The following ABLIM2 variants were observed in gnomAD, a reference collection of about 807,000 sequenced individuals.
ABLIM2 encodes the protein actin binding LIM protein family member 2.
ABLIM2 carries 53 observed loss-of-function variants against 97.7 expected under a neutral mutation model. The observed-to-expected ratio is 0.54, with a 90% CI of 0.44 to 0.68. The LOEUF is 0.68. ABLIM2 is among the 30% of genes least tolerant of loss of function. ABLIM2 has a pLI of 0.00. For synonymous variants in ABLIM2, 361 were observed against 345.8 expected (o/e 1.04, Z -0.49); for missense variants, 835 against 867.2 (o/e 0.96, Z 0.47).
intron 1 of ABLIM2, among the ~76,000 whole-genome samples, chr4:8,109,101 G>A (rs1839017632): frequency 6.6e-6 from 1 of 152,260 alleles, no homozygotes; most frequent in Non-Finnish European, 1.5e-5. Context: ...GGAGGCCGCG[G>A]CACTGGCCCC....
At chr4:7,969,086 C>G (rs928920764) in intron 20 of ABLIM2, among the ~76,000 whole-genome samples, 6 of 152,020 alleles carry the variant, frequency 3.9e-5, no homozygotes, top group Non-Finnish European at 2.9e-5. Flanking sequence ...GAGCTGAGAT[C>G]ACACCATTGC....
At chr4:8,038,918 G>C (rs1347692203) in intron 9 of ABLIM2, among the ~76,000 whole-genome samples, 1 of 152,118 alleles carries the variant, frequency 6.6e-6, no homozygotes, top group African/African-American at 2.4e-5. Context: ...CACAGCCTGG[G>C]GGCTTTGCAC....
chr4:8,002,804 G>A lies in ABLIM2; in HGVS notation c.1618+5255C>T, dbSNP rs145430343. Among the ~76,000 whole-genome samples the A allele has an allele frequency of 0.017, 2,550 of 152,218 alleles. 32 individuals carry two copies. The highest frequency in any genetic ancestry group is 0.026 in the Non-Finnish European group (1,777 of 68,008). On this transcript the variant is annotated intron_variant, in intron 16 of 20. Coordinates refer to ENST00000447017, the MANE Select transcript of ABLIM2 (RefSeq NM_001130083.2). The surrounding 1 kb of genome is among the most constrained non-coding windows in gnomAD (Gnocchi z 6.1). ...TCACTGTTCTTCCAACCCACGGCCC[G>A]GCCTCCGCCCTGGGTGATGCGGAAT...
intron 20 of ABLIM2, among the ~76,000 whole-genome samples, chr4:7,973,105 G>GTGTGTGTGTGTGTGTGTGTGTGTA (rs1560327054): frequency 6.6e-6 from 1 of 151,572 alleles, no homozygotes; most frequent in African/African-American, 2.4e-5. Flanking sequence ...GTGTGTGTGT[G>GTGTGTGTGTGTGTGTGTGTGTGTA]TGTGTGTAGG....
intron 8 of ABLIM2, among the ~76,000 whole-genome samples, chr4:8,050,392 T>TA (rs1378028027): frequency 1.3e-5 from 2 of 152,190 alleles, no homozygotes; most frequent in African/African-American, 4.8e-5. Flanking sequence ...CCCTCCTCCC[T>TA]ACTGCAACCT....
chr4:8,081,531 A>G (rs1819798469), intron 4 of ABLIM2, among the ~76,000 whole-genome samples: 1 of 152,168 alleles, frequency 6.6e-6, no homozygotes, highest in Non-Finnish European at 1.5e-5. Flanking sequence ...CCCCTGGCAG[A>G]GCGGGTGGAG....
chr4:8,066,430 GGA>G lies in ABLIM2; in HGVS notation c.676-5378_676-5377del, dbSNP rs1479073760. 112 of 147,166 alleles carry G rather than the reference GGA, an allele frequency of 7.6e-4. 2 individuals are homozygous for G. Among genetic ancestry groups the G allele is most frequent in the African/African-American group, 2.6e-3 (102 of 39,834 alleles). The allele number at this position is 147,166 out of a possible 1,614,324, so 9.1% of individuals were successfully genotyped here. ...GGAAGGAAGGAAGGAAGGAAGGAAGGGAGGGGTGGTTCCACATAAAAACCTGT... is the reference window on the plus strand; with the variant it reads ...GGAAGGAAGGAAGGAAGGAAGGAAGGGGGGTGGTTCCACATAAAAACCTGT... On this transcript the variant is annotated intron_variant, in intron 6 of 20. Coordinates refer to ENST00000447017, the MANE Select transcript of ABLIM2 (RefSeq NM_001130083.2).
rs182913577 is a variant in ABLIM2, at chr4:8,124,654, T to G, written c.11-18017A>C. On this transcript the variant is annotated intron_variant, in intron 1 of 20. Transcript: ENST00000447017. This position sits in a 1 kb window ranked among gnomAD's most constrained non-coding sequence, Gnocchi z 6.1. ...AGACCCTATTTGGCTCATCCATTAG[T>G]CAGTGGATGAACTTTGGGGCTGTGT... 2.0e-5 allele frequency among the ~76,000 whole-genome samples: 3 copies of G among 152,342 alleles called. No individual in the cohort carries two copies. The highest frequency in any genetic ancestry group is 7.2e-5 in the African/African-American group (3 of 41,570).
intron 14 of ABLIM2, among the ~76,000 whole-genome samples, chr4:8,016,578 G>C (rs917010201): frequency 2.0e-5 from 3 of 152,168 alleles, no homozygotes; most frequent in African/African-American, 7.2e-5. Context: ...TCTGCCTCCT[G>C]GGAGGGTTGC....
At chr4:7,997,394 T>TCAAACC (rs1353218612) in intron 16 of ABLIM2, among the ~76,000 whole-genome samples, 3 of 152,190 alleles carry the variant, frequency 2.0e-5, no homozygotes, top group Non-Finnish European at 2.9e-5. Context: ...GAATAGTTTT[T>TCAAACC]CAAACCCATT....
At chr4:8,131,759 CTGAG>C (rs1561607265) in intron 1 of ABLIM2, among the ~76,000 whole-genome samples, 1,586 of 72,574 alleles carry the variant, frequency 0.022, 2 homozygotes, top group African/African-American at 0.025. Context: ...GCCCGCATCC[CTGAG>C]CACAGCAGCC....
At position 8,095,045 on chromosome 4, in the gene ABLIM2, C is replaced by CTTCT. The variant is rs71175462; in HGVS notation, c.338+2050_338+2053dup. Among the ~76,000 whole-genome samples the CTTCT allele has an allele frequency of 1.3e-4, 19 of 141,128 alleles. No individual in the cohort carries two copies. The highest frequency in any genetic ancestry group is 6.6e-4 in the Admixed American group (9 of 13,634). The allele number at this position is 141,128 out of a possible 152,430, so 92.6% of individuals were successfully genotyped here. On this transcript the variant is annotated intron_variant, in intron 3 of 20. Transcript: ENST00000447017. The surrounding 1 kb of genome is among the most constrained non-coding windows in gnomAD (Gnocchi z 4.7). ...CTCCCCCCACTTCTTTCCTTCCTTC[C>CTTCT]TTCTTTCTTTCTTTCTCTTTCTTTC...
chr4:8,097,243 C>T lies in ABLIM2; in HGVS notation c.194G>A (p.Arg65Gln), dbSNP rs749084388. ...CDLAEGGFFVRQGEYICTLDY... is the reference protein window; with the variant it reads ...CDLAEGGFFVQQGEYICTLDY... ...CAGCGTGCAGATGTACTCGCCCTGC[C>T]GCACGAAGAAGCCGCCCTCGGCCAG... The change falls in exon 3 of 21, where the codon CGG becomes CAG. Residue 65 changes from arginine (R) to glutamine (Q), a missense_variant. Transcript: ENST00000447017. The T allele has an allele frequency of 8.9e-6, 14 of 1,574,370 alleles. No homozygotes were observed. The highest frequency in any genetic ancestry group is 3.7e-5 in the Admixed American group (2 of 53,808).
rs41266509 is a variant in ABLIM2 at position 7,992,999 on chromosome 4, G to T, written c.1619-72C>A. On this transcript the variant is annotated intron_variant, in intron 16 of 20. Transcript: ENST00000447017. The surrounding 1 kb of genome is among the most constrained non-coding windows in gnomAD (Gnocchi z 5.7). ...AGCAATGGGGGTGCAGCCCTGGGGG[G>T]GCTTCCCACCGGGGTGGGCAAGGCT... is the stretch of plus-strand genomic sequence containing the variant. 4.6e-3 allele frequency: 7,090 copies of T among 1,540,442 alleles called. 26 individuals carry two copies. The highest frequency in any genetic ancestry group is 5.4e-3 in the Non-Finnish European group (6,027 of 1,124,240).
chr4:8,019,750 T>C lies in ABLIM2; in HGVS notation c.1370-79A>G. Reference sequence around the variant, plus strand: ...GTGATGGTTTCTGTTCTACAGCTTTTTGTAAGCAACAAGCACTCACCCAGA... The same window carrying C: ...GTGATGGTTTCTGTTCTACAGCTTTCTGTAAGCAACAAGCACTCACCCAGA... On this transcript the variant is annotated intron_variant, in intron 13 of 20. Transcript: ENST00000447017. The surrounding 1 kb of genome is among the most constrained non-coding windows in gnomAD (Gnocchi z 4.3). The C allele has an allele frequency of 7.1e-7, 1 of 1,404,498 alleles. No individual in the cohort carries two copies. The allele number at this position is 1,404,498 out of a possible 1,614,324, so 87.0% of individuals were successfully genotyped here. A position where few individuals can be genotyped will look rare whatever the true frequency, so the allele number is the denominator to read the frequency against.
intron 14 of ABLIM2, among the ~76,000 whole-genome samples, chr4:8,017,667 A>G (rs565975354): frequency 8.5e-5 from 13 of 152,318 alleles, no homozygotes; most frequent in Admixed American, 7.8e-4. Context: ...TTGCCTTTGC[A>G]TAGGAGAATC....
At position 8,054,373 on chromosome 4, in the gene ABLIM2, G is replaced by A. The variant is rs1295899641; in HGVS notation, c.764-127C>T. ...GCACTCGGACTCCACCCTCCAAGCG[G>A]CCCTGAGCATCCTCTCTGTGCTGGA... On this transcript the variant is annotated intron_variant, in intron 7 of 20. Coordinates refer to ENST00000447017, the MANE Select transcript of ABLIM2 (RefSeq NM_001130083.2). This position sits in a 1 kb window ranked among gnomAD's most constrained non-coding sequence, Gnocchi z 4.9. 1 of 970,614 alleles carries A rather than the reference G, an allele frequency of 1.0e-6. No homozygotes were observed. Among genetic ancestry groups the A allele is most frequent in the Non-Finnish European group, 1.6e-6 (1 of 632,220 alleles). The allele number at this position is 970,614 out of a possible 1,614,324, so 60.1% of individuals were successfully genotyped here. A position where few individuals can be genotyped will look rare whatever the true frequency, so the allele number is the denominator to read the frequency against.
intron 9 of ABLIM2, among the ~76,000 whole-genome samples, chr4:8,037,304 A>G (rs1053238785): frequency 4.6e-5 from 7 of 150,996 alleles, no homozygotes; most frequent in African/African-American, 7.3e-5. Flanking sequence ...GCACACACAC[A>G]CGCACATGCA....
intron 14 of ABLIM2, 42 bp from the exon 15 acceptor site, chr4:8,009,144 C>A: frequency 1.2e-6 from 2 of 1,609,646 alleles, no homozygotes; most frequent in Non-Finnish European, 8.5e-7. Context: ...CACACCATTG[C>A]TTGTGGGTTT....
Sources: allele counts gnomAD v4.1 joint callset (sites outside exome capture counted in the v4.1 genomes callset), GRCh38; gene constraint gnomAD v4.1.1; non-coding constraint Gnocchi (gnomAD v3.1); transcripts MANE v1.5; gene names NCBI Gene and HGNC (gene_info 2026-07-23, HGNC 2026-07-21).